The following DSCAM variants were observed in gnomAD, a reference collection of about 807,000 sequenced individuals.
The protein encoded by DSCAM is DS cell adhesion molecule, also known as cell adhesion molecule DSCAM.
Under a neutral mutation model 217.7 loss-of-function variants are expected in DSCAM, and 47 were observed. The observed-to-expected ratio is 0.22, with a 90% CI of 0.17 to 0.28. The LOEUF is 0.28. Among genes scored for constraint, DSCAM ranks in the 10% least tolerant of loss-of-function variants. The pLI, the probability that DSCAM is intolerant of heterozygous loss-of-function variation, is 1.00. For missense variants in DSCAM, 2,080 were observed against 2,618.3 expected (o/e 0.79, Z 4.49); for synonymous variants, 1,056 against 1,015.3 (o/e 1.04, Z -0.76).
chr21:40,469,263 C>A (rs1343230842), intron 3 of DSCAM, among the ~76,000 whole-genome samples: 2 of 152,140 alleles, frequency 1.3e-5, no homozygotes, highest in Non-Finnish European at 2.9e-5. Flanking sequence ...TAAAAATGTT[C>A]TTCTCATGCA....
chr21:40,469,025 C>A (rs1359376912), intron 3 of DSCAM, among the ~76,000 whole-genome samples: 1 of 152,032 alleles, frequency 6.6e-6, no homozygotes, highest in African/African-American at 2.4e-5. Flanking sequence ...TACAGCCACA[C>A]ACACCTTCAT....
At chr21:40,051,825 G>T in intron 30 of DSCAM, 133 bp downstream of exon 30, 2 of 1,128,658 alleles carry the variant, frequency 1.8e-6, no homozygotes, top group African/African-American at 1.6e-5. Context: ...CCCAATTAGG[G>T]ATGTTATTAT....
intron 10 of DSCAM, among the ~76,000 whole-genome samples, chr21:40,286,371 C>T (rs984031668): frequency 5.9e-5 from 9 of 152,044 alleles, no homozygotes; most frequent in African/African-American, 1.9e-4. Flanking sequence ...GACGAAATGC[C>T]TTGGACACTG....
In DSCAM at chr21:40,846,761, G is replaced by GCCGCCGCCCGCCCGCCGC. The variant is rs2092149319; in HGVS notation, c.-118_-101dup. 2.2e-6 allele frequency: 1 copy of GCCGCCGCCCGCCCGCCGC among 452,382 alleles called. No individual in the cohort carries two copies. Among genetic ancestry groups the GCCGCCGCCCGCCCGCCGC allele is most frequent in the African/African-American group, 2.2e-5 (1 of 45,928 alleles). The allele number at this position is 452,382 out of a possible 1,614,324, so 28.0% of individuals were successfully genotyped here. ...CTCGCCGCTCGGCACCTGCCCGGGG[G>GCCGCCGCCCGCCCGCCGC]CCGCCGCCCGCCCGCCGCCCGCCGC... On this transcript the variant is annotated 5_prime_UTR_variant, in exon 1 of 33. Transcript: ENST00000400454.
chr21:40,081,991 C>T (rs1340405245), intron 24 of DSCAM, among the ~76,000 whole-genome samples: 1 of 152,168 alleles, frequency 6.6e-6, no homozygotes, highest in Non-Finnish European at 1.5e-5. Flanking sequence ...CCCTCGAGCC[C>T]ATCCCTAGGT....
At chr21:40,548,183 C>T (rs1180032782) in intron 3 of DSCAM, among the ~76,000 whole-genome samples, 1 of 152,204 alleles carries the variant, frequency 6.6e-6, no homozygotes, top group East Asian at 1.9e-4. Context: ...CAGCTCCTCG[C>T]ACTGTGTCAA....
chr21:40,716,196 A>T (rs766926888), intron 1 of DSCAM, among the ~76,000 whole-genome samples: 9 of 152,184 alleles, frequency 5.9e-5, no homozygotes, highest in Non-Finnish European at 1.2e-4. Flanking sequence ...TCTCTAAGAG[A>T]CACATCATAT....
At chr21:40,266,799 T>TATATATATAC (rs1173276556) in intron 11 of DSCAM, among the ~76,000 whole-genome samples, 16 of 129,532 alleles carry the variant, frequency 1.2e-4, no homozygotes, top group Admixed American at 1.5e-4. Flanking sequence ...TATATATATA[T>TATATATATAC]ACACACACAC....
chr21:40,735,012 G>T (rs879834845), intron 1 of DSCAM, among the ~76,000 whole-genome samples: 1 of 152,134 alleles, frequency 6.6e-6, no homozygotes, highest in Non-Finnish European at 1.5e-5. Context: ...ATTTAAACTG[G>T]TCAACTATTC....
At chr21:40,569,296 TA>T (rs959568720) in intron 3 of DSCAM, among the ~76,000 whole-genome samples, 1 of 152,246 alleles carries the variant, frequency 6.6e-6, no homozygotes, top group African/African-American at 2.4e-5. Context: ...GGTCAGGCTA[TA>T]GTTTCCAGTT....
chr21:40,551,173 G>T (rs963001138), intron 3 of DSCAM, among the ~76,000 whole-genome samples: 1 of 152,170 alleles, frequency 6.6e-6, no homozygotes, highest in Non-Finnish European at 1.5e-5. Flanking sequence ...AGGTGGTTGG[G>T]TTACAGCTTG....
intron 3 of DSCAM, among the ~76,000 whole-genome samples, chr21:40,580,868 A>G (rs1008718071): frequency 1.3e-5 from 2 of 152,228 alleles, no homozygotes; most frequent in African/African-American, 2.4e-5. Flanking sequence ...TGTTTATTAG[A>G]AAGAAGTGTA....
intron 5 of DSCAM, among the ~76,000 whole-genome samples, chr21:40,352,146 T>A (rs191324653): frequency 2.9e-4 from 44 of 152,312 alleles, no homozygotes; most frequent in Non-Finnish European, 8.8e-5. Flanking sequence ...AATGGAACAC[T>A]AGTCATAAGT....
At chr21:40,412,150 T>C (rs1319825363) in intron 3 of DSCAM, among the ~76,000 whole-genome samples, 1 of 152,242 alleles carries the variant, frequency 6.6e-6, no homozygotes, top group Non-Finnish European at 1.5e-5. Flanking sequence ...TGTGGAACTG[T>C]AGGTCCAGTT....
chr21:40,442,812 G>A (rs1434367952), intron 3 of DSCAM, among the ~76,000 whole-genome samples: 2 of 152,022 alleles, frequency 1.3e-5, no homozygotes, highest in African/African-American at 4.8e-5. Flanking sequence ...GCCTGGCCGA[G>A]TTAATTTTTT....
chr21:40,786,472 C>G (rs189938336), intron 1 of DSCAM, among the ~76,000 whole-genome samples: 50 of 152,248 alleles, frequency 3.3e-4, no homozygotes, highest in African/African-American at 1.1e-3. Flanking sequence ...TTTTTAGAAA[C>G]AGTCTTGAGC....
intron 3 of DSCAM, among the ~76,000 whole-genome samples, chr21:40,582,911 G>A (rs1213403234): frequency 6.6e-6 from 1 of 152,082 alleles, no homozygotes; most frequent in African/African-American, 2.4e-5. Flanking sequence ...GCCTTTATAT[G>A]TACTGCACAC....
intron 3 of DSCAM, among the ~76,000 whole-genome samples, chr21:40,664,017 T>A (rs1027047441): frequency 3.3e-5 from 5 of 152,226 alleles, no homozygotes. Context: ...ATAAATATGT[T>A]TTCAGATATC....
At chr21:40,245,185 T>C (rs557845884) in intron 11 of DSCAM, among the ~76,000 whole-genome samples, 2 of 152,324 alleles carry the variant, frequency 1.3e-5, no homozygotes, top group African/African-American at 4.8e-5. Flanking sequence ...TGCTGCCGCC[T>C]GTTGGGGTAA....
Sources: gnomAD v4.1 joint callset for allele counts (sites outside exome capture counted in the v4.1 genomes callset) on GRCh38, gnomAD v4.1.1 for gene constraint, MANE v1.5 for transcripts, NCBI Gene and HGNC (gene_info 2026-07-23, HGNC 2026-07-21) for gene names.